Variants in CLASP1 observed in about 807,000 individuals in gnomAD.
CLASP1 encodes the protein cytoplasmic linker associated protein 1, also known as CLIP-associating protein 1.
In CLASP1, 38 loss-of-function variants were observed where a neutral mutation model predicts 192.3. That is an observed-to-expected ratio of 0.20 (90% CI 0.15 to 0.26). CLASP1 has a LOEUF of 0.26. Among genes scored for constraint, CLASP1 ranks in the 10% least tolerant of loss-of-function variants. The probability of loss-of-function intolerance (pLI) is 1.00; values close to 1 mark genes in which losing one functional copy is unlikely to be tolerated. For missense variants in CLASP1, 1,433 were observed against 1,932.5 expected, an observed-to-expected ratio of 0.74 and a Z score of 4.85; for synonymous variants, 691 against 712.8, an observed-to-expected ratio of 0.97 and a Z score of 0.49.
intron 2 of CLASP1, 75 bp from the exon 3 acceptor site, chr2:121,530,400 G>T: frequency 8.3e-7 from 1 of 1,210,632 alleles, no homozygotes; most frequent in Non-Finnish European, 1.2e-6. Context: ...GCTCCGGGGA[G>T]GCCTAGACAT....
chr2:121,492,396 A>G (rs1482453522), intron 8 of CLASP1, among the ~76,000 whole-genome samples: 3 of 137,478 alleles, frequency 2.2e-5, no homozygotes, highest in African/African-American at 7.9e-5. Flanking sequence ...CTCCAAAAAA[A>G]AAAAAAAAAA....
intron 26 of CLASP1, 145 bp from the exon 28 acceptor site, chr2:121,402,015 G>T (rs2076222322): frequency 2.3e-6 from 1 of 434,200 alleles, no homozygotes; most frequent in South Asian, 1.7e-5. Flanking sequence ...CTCCATCAAT[G>T]TAAGTCTTTA....
intron 8 of CLASP1, among the ~76,000 whole-genome samples, chr2:121,490,668 T>A (rs1333619545): frequency 6.6e-6 from 1 of 152,234 alleles, no homozygotes; most frequent in East Asian, 1.9e-4. Flanking sequence ...TAAAATAAGC[T>A]GTCTGCTGCA....
At chr2:121,375,242 T>G (rs932467581) in intron 34 of CLASP1, among the ~76,000 whole-genome samples, 1 of 152,094 alleles carries the variant, frequency 6.6e-6, no homozygotes, top group East Asian at 1.9e-4. Flanking sequence ...GAAGATGTGC[T>G]TGCTTCTCCT....
chr2:121,647,912 G>A (rs1222212504), intron 1 of CLASP1, among the ~76,000 whole-genome samples: 1 of 152,268 alleles, frequency 6.6e-6, no homozygotes, highest in African/African-American at 2.4e-5. Context: ...GTCTAAAATG[G>A]TGTTACAAGG....
chr2:121,531,056 T>TA, intron 2 of CLASP1: 1 of 696,916 alleles, frequency 1.4e-6, no homozygotes, highest in East Asian at 2.7e-5. Context: ...CAGTAATTCG[T>TA]AAATAAACTA....
intron 23 of CLASP1, among the ~76,000 whole-genome samples, chr2:121,413,893 T>C (rs1226430778): frequency 6.6e-6 from 1 of 152,148 alleles, no homozygotes; most frequent in Admixed American, 6.5e-5. Flanking sequence ...AGGGAATTAC[T>C]TCCCTGTTGT....
chr2:121,543,505 C>A (rs1037954610), intron 2 of CLASP1, among the ~76,000 whole-genome samples: 37 of 152,054 alleles, frequency 2.4e-4, no homozygotes, highest in African/African-American at 8.5e-4. Flanking sequence ...TATGGACTTT[C>A]AAAATTTTCC....
intron 8 of CLASP1, among the ~76,000 whole-genome samples, chr2:121,472,124 G>A (rs2090857031): frequency 6.6e-6 from 1 of 152,086 alleles, no homozygotes; most frequent in African/African-American, 2.4e-5. Flanking sequence ...AAATAAATGG[G>A]AGACATGAAG....
At chr2:121,503,330 CA>C (rs961413060) in intron 7 of CLASP1, 96 bp from the exon 8 acceptor site, 107 of 692,574 alleles carry the variant, frequency 1.5e-4, no homozygotes, top group Non-Finnish European at 2.0e-4. Context: ...CACTCCCCAT[CA>C]AAAAAAACAA....
intron 30 of CLASP1, among the ~76,000 whole-genome samples, chr2:121,396,276 G>C (rs756444738): frequency 6.6e-6 from 1 of 152,336 alleles, no homozygotes; most frequent in South Asian, 2.1e-4. Context: ...GGCAGGCATG[G>C]AAAGTAGCAC....
intron 8 of CLASP1, among the ~76,000 whole-genome samples, chr2:121,474,337 T>C (rs1274331647): frequency 6.6e-6 from 1 of 152,170 alleles, no homozygotes; most frequent in Non-Finnish European, 1.5e-5. Context: ...AAGTTAATCA[T>C]AACTTGTCTA....
chr2:121,381,861 A>G (rs140522133), intron 33 of CLASP1, among the ~76,000 whole-genome samples: 1 of 152,182 alleles, frequency 6.6e-6, no homozygotes, highest in Non-Finnish European at 1.5e-5. Flanking sequence ...CATGCTAAGG[A>G]AACTGCTCCC....
At chr2:121,407,553 G>T in exon 25 of CLASP1, 1 of 1,613,994 alleles carries the variant, frequency 6.2e-7, no homozygotes, top group Middle Eastern at 1.6e-4. Flanking sequence ...CTAGCACAGT[G>T]GTTGAGAACT....
At chr2:121,641,832 T>C (rs2072139905) in intron 1 of CLASP1, among the ~76,000 whole-genome samples, 1 of 152,212 alleles carries the variant, frequency 6.6e-6, no homozygotes, top group African/African-American at 2.4e-5. Context: ...ATGGTACGAA[T>C]TTTTGGTTAG....
At chr2:121,572,533 AACT>A in intron 2 of CLASP1, among the ~76,000 whole-genome samples, 1 of 152,298 alleles carries the variant, frequency 6.6e-6, no homozygotes, top group Middle Eastern at 3.4e-3. Context: ...CAGAGAAAAA[AACT>A]ACTAAAATTT....
At chr2:121,374,406 T>C (rs1377120556) in intron 34 of CLASP1, among the ~76,000 whole-genome samples, 2 of 152,210 alleles carry the variant, frequency 1.3e-5, no homozygotes, top group East Asian at 3.8e-4. Flanking sequence ...GAACCTCTAC[T>C]AGGGGAGACA....
At chr2:121,461,217 T>A in intron 10 of CLASP1, 24 bp from the exon 11 acceptor site, 2 of 1,332,984 alleles carry the variant, frequency 1.5e-6, no homozygotes, top group Non-Finnish European at 2.1e-6. Context: ...TAATTTACAA[T>A]CAATATAAAA....
chr2:121,385,733 A>G lies in CLASP1; in HGVS notation c.3374+1389T>C, dbSNP rs116239019. On this transcript the variant is annotated intron_variant, in intron 32 of 39. Transcript: ENST00000263710. ...GAAAAGACTTCCCAATTAATGTTGC[A>G]TAACTATCTCTTCTAGACAGAGGCG... is the stretch of plus-strand genomic sequence containing the variant. Among the ~76,000 whole-genome samples, 1,011 of 152,376 alleles carry G rather than the reference A, an allele frequency of 6.6e-3. 15 individuals are homozygous for G. The highest frequency in any genetic ancestry group is 0.023 in the African/African-American group (961 of 41,588).
Sources: allele counts gnomAD v4.1 joint callset (sites outside exome capture counted in the v4.1 genomes callset), GRCh38; gene constraint gnomAD v4.1.1; transcripts MANE v1.5; gene names NCBI Gene and HGNC (gene_info 2026-07-23, HGNC 2026-07-21).